Variants in KCND2 observed in about 807,000 individuals in gnomAD.
KCND2 encodes A-type voltage-gated potassium channel KCND2.
Under a neutral mutation model 54.4 loss-of-function variants are expected in KCND2, and 16 were observed. The ratio of observed to expected loss-of-function variants is 0.29; its 90% CI spans 0.20 to 0.45. KCND2 has a LOEUF of 0.45. Among genes scored for constraint, KCND2 ranks in the 20% least tolerant of loss-of-function variants. The pLI, the probability that KCND2 is intolerant of heterozygous loss-of-function variation, is 1.00. For synonymous variants in KCND2, 317 were observed against 310.7 expected (o/e 1.02, Z -0.21); for missense variants, 486 against 824.2 (o/e 0.59, Z 5.02).
At chr7:120,597,220 A>T (rs2116467389) in intron 1 of KCND2, among the ~76,000 whole-genome samples, 1 of 152,286 alleles carries the variant, frequency 6.6e-6, no homozygotes, top group South Asian at 2.1e-4. Flanking sequence ...GAGAGAAATG[A>T]GCGCATTGAT....
At chr7:120,727,742 A>G (rs1792752204) in intron 1 of KCND2, among the ~76,000 whole-genome samples, 1 of 152,188 alleles carries the variant, frequency 6.6e-6, no homozygotes, top group African/African-American at 2.4e-5. Context: ...GAGGTCTGGC[A>G]GATGTCCAGG....
At chr7:120,452,210 A>G (rs1802123709) in intron 1 of KCND2, among the ~76,000 whole-genome samples, 1 of 152,212 alleles carries the variant, frequency 6.6e-6, no homozygotes, top group Non-Finnish European at 1.5e-5. Context: ...GTAGCTCTGG[A>G]TTCATGTTCT....
intron 1 of KCND2, among the ~76,000 whole-genome samples, chr7:120,622,701 T>A (rs1419069343): frequency 6.8e-6 from 1 of 146,316 alleles, no homozygotes; most frequent in African/African-American, 2.6e-5. Context: ...TCTCTCTCTC[T>A]CTCTCTCTCT....
At chr7:120,421,605 A>G (rs1801624844) in intron 1 of KCND2, among the ~76,000 whole-genome samples, 1 of 152,232 alleles carries the variant, frequency 6.6e-6, no homozygotes, top group Non-Finnish European at 1.5e-5. Context: ...CCAAAGATTC[A>G]TAGGTGATTG....
Position 120,606,962 on chromosome 7 carries a change from G to A in KCND2, c.1116-125941G>A, listed in dbSNP as rs142027131. On this transcript the variant is annotated intron_variant, in intron 1 of 5. Transcript: ENST00000331113. ...TAAAAGCTAGCTTGGGTTTTGCTGT[G>A]GATTGCATTGAATCTGTAGATTATT... 5.4e-4 allele frequency among the ~76,000 whole-genome samples: 82 copies of A among 152,128 alleles called. 1 individual carries two copies. In the East Asian group the frequency reaches 0.015, roughly 28 times the overall value.
chr7:120,567,086 A>T (rs968658580), intron 1 of KCND2, among the ~76,000 whole-genome samples: 1 of 152,204 alleles, frequency 6.6e-6, no homozygotes, highest in African/African-American at 2.4e-5. Context: ...AAGGAAAAAA[A>T]ACTCTTATGA....
intron 1 of KCND2, among the ~76,000 whole-genome samples, chr7:120,622,277 A>G (rs1793108522): frequency 6.6e-6 from 1 of 152,182 alleles, no homozygotes; most frequent in South Asian, 2.1e-4. Context: ...GGGTTTAATT[A>G]TTAAGGCATC....
intron 1 of KCND2, among the ~76,000 whole-genome samples, chr7:120,510,461 G>A (rs898195082): frequency 2.0e-5 from 3 of 152,000 alleles, no homozygotes; most frequent in Admixed American, 1.3e-4. Flanking sequence ...GGAGGAAAAC[G>A]CTATTTAATG....
chr7:120,666,990 G>A (rs530496970), intron 1 of KCND2, among the ~76,000 whole-genome samples: 3 of 152,034 alleles, frequency 2.0e-5, no homozygotes, highest in East Asian at 1.9e-4. Context: ...TAAGAGGAGA[G>A]GGAGAGAGAG....
At chr7:120,378,910 A>G (rs1406960833) in intron 1 of KCND2, among the ~76,000 whole-genome samples, 1 of 152,004 alleles carries the variant, frequency 6.6e-6, no homozygotes, top group Non-Finnish European at 1.5e-5. Context: ...CATGTCTTCT[A>G]CTTTAATCTA....
intron 1 of KCND2, among the ~76,000 whole-genome samples, chr7:120,722,586 A>G (rs1792682378): frequency 6.6e-6 from 1 of 152,220 alleles, no homozygotes; most frequent in African/African-American, 2.4e-5. Flanking sequence ...CTTTGGCAGA[A>G]TTAGAAATAA....
At chr7:120,304,265 C>T (rs1197887015) in intron 1 of KCND2, among the ~76,000 whole-genome samples, 2 of 151,976 alleles carry the variant, frequency 1.3e-5, no homozygotes, top group South Asian at 4.2e-4. Flanking sequence ...ATGATTCTAA[C>T]AAATATATAG....
At chr7:120,444,553 A>G (rs930046836) in intron 1 of KCND2, among the ~76,000 whole-genome samples, 1 of 152,118 alleles carries the variant, frequency 6.6e-6, no homozygotes, top group Non-Finnish European at 1.5e-5. Context: ...ATAGGCCTCA[A>G]AAATATTTGC....
intron 1 of KCND2, among the ~76,000 whole-genome samples, chr7:120,543,877 A>G (rs982752760): frequency 6.6e-6 from 1 of 152,142 alleles, no homozygotes; most frequent in East Asian, 1.9e-4. Context: ...CATTTCTGAT[A>G]AGAACCCAAA....
intron 2 of KCND2, among the ~76,000 whole-genome samples, chr7:120,735,944 A>T (rs965231848): frequency 6.6e-6 from 1 of 152,110 alleles, no homozygotes; most frequent in Admixed American, 6.6e-5. Context: ...GGGAAAAAAA[A>T]GCAGAACAAA....
intron 1 of KCND2, among the ~76,000 whole-genome samples, chr7:120,507,016 A>G (rs1803032892): frequency 6.6e-6 from 1 of 151,872 alleles, no homozygotes. Flanking sequence ...CATGTATATT[A>G]TTTATTACAT....
chr7:120,423,513 G>C (rs778172859), intron 1 of KCND2, among the ~76,000 whole-genome samples: 8 of 152,146 alleles, frequency 5.3e-5, no homozygotes, highest in Non-Finnish European at 1.2e-4. Flanking sequence ...AAATCAAGAC[G>C]CATAGTTTAT....
intron 1 of KCND2, among the ~76,000 whole-genome samples, chr7:120,522,160 A>G (rs184317412): frequency 4.6e-5 from 7 of 151,952 alleles, no homozygotes; most frequent in Non-Finnish European, 5.9e-5. Flanking sequence ...CTCTCCTGTA[A>G]CTCCATTTGT....
intron 1 of KCND2, among the ~76,000 whole-genome samples, chr7:120,716,580 A>G (rs1477380776): frequency 6.6e-6 from 1 of 152,084 alleles, no homozygotes; most frequent in Non-Finnish European, 1.5e-5. Flanking sequence ...CCCCTTTTAA[A>G]AAAGTCAGTT....
Sources: allele counts gnomAD v4.1 joint callset (sites outside exome capture counted in the v4.1 genomes callset), GRCh38; gene constraint gnomAD v4.1.1; transcripts MANE v1.5; gene names NCBI Gene and HGNC (gene_info 2026-07-23, HGNC 2026-07-21).